MEIS1: variants seen among roughly 807,000 people sequenced by gnomAD.
MEIS1 encodes homeobox protein Meis1.
Under a neutral mutation model 50.8 loss-of-function variants are expected in MEIS1, and 5 were observed. The observed-to-expected ratio is 0.10, with a 90% CI of 0.05 to 0.21. The LOEUF (loss-of-function observed/expected upper bound fraction) is 0.21, where lower values mean the gene tolerates loss of function less well. Among genes scored for constraint, MEIS1 ranks in the 10% least tolerant of loss-of-function variants. The pLI, the probability that MEIS1 is intolerant of heterozygous loss-of-function variation, is 1.00. For missense variants in MEIS1, 318 were observed against 517.3 expected (o/e 0.61, Z 3.74); for synonymous variants, 176 against 179.3 (o/e 0.98, Z 0.15).
At position 66,437,614 on chromosome 2, in the gene MEIS1, G is replaced by C. The variant is rs1226504699; in HGVS notation, c.13-123G>C. The C allele has an allele frequency of 3.8e-6, 3 of 792,064 alleles. No individual in the cohort carries two copies. The Admixed American group carries it at 6.1e-5, about 16-fold the overall frequency. 49.1% of individuals were successfully genotyped at this position (792,064 alleles called of 1,614,324 possible). ...GAAAAACTCAGCTTTATAGATGCAA[G>C]GCCACCGAATTCCGGGTGGAAGGAC... On this transcript the variant is annotated intron_variant, in intron 1 of 12. Transcript: ENST00000272369.
At chr2:66,503,785 C>T (rs535936714) in intron 7 of MEIS1, among the ~76,000 whole-genome samples, 74 of 146,036 alleles carry the variant, frequency 5.1e-4, no homozygotes, top group Non-Finnish European at 9.1e-4. Context: ...AGCTCTGTCG[C>T]CCAGGCTGGA....
At chr2:66,467,149 A>G (rs1182365749) in intron 7 of MEIS1, among the ~76,000 whole-genome samples, 1 of 152,196 alleles carries the variant, frequency 6.6e-6, no homozygotes, top group African/African-American at 2.4e-5. Flanking sequence ...GAGATTTTAA[A>G]TGTTCTAAGA....
At chr2:66,473,812 T>G (rs1225469091) in intron 7 of MEIS1, among the ~76,000 whole-genome samples, 1 of 152,162 alleles carries the variant, frequency 6.6e-6, no homozygotes, top group Non-Finnish European at 1.5e-5. Flanking sequence ...TTTGGGGATG[T>G]ATAGCCATCC....
chr2:66,515,255 T>C (rs78268934), intron 8 of MEIS1, among the ~76,000 whole-genome samples: 1,588 of 152,312 alleles, frequency 0.01, 27 homozygotes, highest in African/African-American at 0.036. Flanking sequence ...TTCGAAAACC[T>C]CTCACACCTT....
At chr2:66,481,850 C>CTTTTTTTTT (rs996753363) in intron 7 of MEIS1, among the ~76,000 whole-genome samples, 17 of 90,170 alleles carry the variant, frequency 1.9e-4, no homozygotes, top group East Asian at 3.2e-4. Context: ...TCTGATATTT[C>CTTTTTTTTT]TTTTTTTTTT....
intron 7 of MEIS1, among the ~76,000 whole-genome samples, chr2:66,473,397 A>AATATATATATATATATATAT (rs1553373466): frequency 2.7e-4 from 29 of 107,472 alleles, no homozygotes; most frequent in African/African-American, 1.2e-3. Context: ...AAAAAAAAAA[A>AATATATATATATATATATAT]ATATATATAT....
chr2:66,568,285 A>C (rs921359011), intron 10 of MEIS1: 2 of 186,992 alleles, frequency 1.1e-5, no homozygotes, highest in Non-Finnish European at 2.2e-5. Flanking sequence ...GGGTGATGTG[A>C]GTCTTTACTT....
Position 66,515,011 on chromosome 2 carries a change from A to G in MEIS1, c.888+2717A>G, listed in dbSNP as rs973781411. 5.9e-5 allele frequency among the ~76,000 whole-genome samples: 9 copies of G among 152,318 alleles called. No individual in the cohort carries two copies. In the South Asian group the frequency reaches 1.9e-3, roughly 32 times the overall value. On this transcript the variant is annotated intron_variant, in intron 8 of 12. Transcript: ENST00000272369. The stretch of plus-strand genomic sequence containing the variant: ...ACATCTCAGTACTAATTCTTTAGTG[A>G]CTTTATTTCAAGTTCTGGGAGGTCT...
chr2:66,518,979 A>G (rs985432957), intron 8 of MEIS1, among the ~76,000 whole-genome samples: 2 of 152,222 alleles, frequency 1.3e-5, no homozygotes, highest in Non-Finnish European at 2.9e-5. Context: ...GGTAACATCC[A>G]CATCATATCT....
chr2:66,554,179 C>T (rs569818128), intron 9 of MEIS1, among the ~76,000 whole-genome samples: 22 of 152,314 alleles, frequency 1.4e-4, no homozygotes, highest in Non-Finnish European at 3.2e-4. Context: ...ATTTACCCAG[C>T]AGGGACCCAA....
intron 6 of MEIS1, among the ~76,000 whole-genome samples, chr2:66,456,702 G>A (rs1362398469): frequency 6.6e-6 from 1 of 152,234 alleles, no homozygotes; most frequent in Non-Finnish European, 1.5e-5. Context: ...TGAGGGAGGG[G>A]CAGAGAAGGA....
At chr2:66,568,874 T>C (rs1675417606) in intron 11 of MEIS1, 118 bp downstream of exon 11, 10 of 1,129,372 alleles carry the variant, frequency 8.9e-6, no homozygotes, top group Non-Finnish European at 1.4e-5. Context: ...TGCCTTGCCT[T>C]GTCTGCTATC....
At chr2:66,500,758 T>G (rs1294437905) in intron 7 of MEIS1, among the ~76,000 whole-genome samples, 1 of 152,198 alleles carries the variant, frequency 6.6e-6, no homozygotes, top group East Asian at 1.9e-4. Flanking sequence ...GCTTTTCAAG[T>G]GTATTTTATT....
At chr2:66,525,424 C>G (rs62144057) in intron 8 of MEIS1, among the ~76,000 whole-genome samples, 35,490 of 152,106 alleles carry the variant, frequency 0.23, 5,124 homozygotes, top group Non-Finnish European at 0.33. Context: ...CTAAGGTACA[C>G]AAGCAAGATG....
intron 8 of MEIS1, among the ~76,000 whole-genome samples, chr2:66,523,178 C>T (rs1674168210): frequency 6.6e-6 from 1 of 151,958 alleles, no homozygotes; most frequent in African/African-American, 2.4e-5. Context: ...GGACAGTTGC[C>T]GTTTATGTAC....
chr2:66,486,350 A>G (rs1673142812), intron 7 of MEIS1, among the ~76,000 whole-genome samples: 1 of 152,204 alleles, frequency 6.6e-6, no homozygotes. Context: ...TTTATTAAAT[A>G]GGGACTTCTT....
At chr2:66,552,829 A>G (rs1401481568) in intron 9 of MEIS1, among the ~76,000 whole-genome samples, 1 of 152,246 alleles carries the variant, frequency 6.6e-6, no homozygotes, top group Admixed American at 6.5e-5. Flanking sequence ...GTACCTGTTT[A>G]GATGTAAATG....
At chr2:66,469,014 T>A (rs888877087) in intron 7 of MEIS1, among the ~76,000 whole-genome samples, 6 of 152,220 alleles carry the variant, frequency 3.9e-5, no homozygotes, top group African/African-American at 1.4e-4. Flanking sequence ...CATTTTCCAC[T>A]GAAAGCTCAT....
At chr2:66,440,247 A>G in intron 3 of MEIS1, 1 of 591,054 alleles carries the variant, frequency 1.7e-6, no homozygotes, top group Non-Finnish European at 3.0e-6. Flanking sequence ...AAACGTGGAG[A>G]GCTCACTCTG....
Sources: gnomAD v4.1 joint callset for allele counts (sites outside exome capture counted in the v4.1 genomes callset) on GRCh38, gnomAD v4.1.1 for gene constraint, MANE v1.5 for transcripts, NCBI Gene and HGNC (gene_info 2026-07-23, HGNC 2026-07-21) for gene names.